HEATR5B: variants seen among roughly 807,000 people sequenced by gnomAD.
The protein encoded by HEATR5B is HEAT repeat-containing protein 5B.
A neutral mutation model predicts 224.1 loss-of-function variants in HEATR5B; 156 were observed. The observed-to-expected ratio is 0.70, with a 90% CI of 0.61 to 0.80. The LOEUF (loss-of-function observed/expected upper bound fraction) is 0.80, where lower values mean the gene tolerates loss of function less well. HEATR5B is among the 30% of genes least tolerant of loss of function. The pLI is 0.00. For missense variants in HEATR5B, 2,323 were observed against 2,535.5 expected, an observed-to-expected ratio of 0.92 and a Z score of 1.80; for synonymous variants, 1,027 against 893.0, an observed-to-expected ratio of 1.15 and a Z score of -2.68.
intron 35 of HEATR5B, among the ~76,000 whole-genome samples, chr2:36,983,821 T>C (rs895599797): frequency 6.6e-6 from 1 of 152,020 alleles, no homozygotes; most frequent in Non-Finnish European, 1.5e-5. Context: ...CTTCAGTATA[T>C]TGGCTTGCTA....
chr2:37,056,412 A>G, intron 16 of HEATR5B, 28 bp downstream of exon 16: 1 of 1,525,642 alleles, frequency 6.6e-7, no homozygotes, highest in Non-Finnish European at 8.8e-7. Flanking sequence ...ATATTTAACA[A>G]AAATTACCTG....
chr2:37,033,712 T>A (rs1669288042), intron 21 of HEATR5B, among the ~76,000 whole-genome samples: 1 of 152,228 alleles, frequency 6.6e-6, no homozygotes, highest in Non-Finnish European at 1.5e-5. Flanking sequence ...GTTTGAATCC[T>A]GGCTCTGTCA....
At chr2:36,993,002 G>C (rs1666439552) in intron 33 of HEATR5B, among the ~76,000 whole-genome samples, 1 of 152,228 alleles carries the variant, frequency 6.6e-6, no homozygotes, top group South Asian at 2.1e-4. Context: ...TGGGATTATA[G>C]GTTTAAACCA....
Position 37,068,758 on chromosome 2 carries a change from C to T in HEATR5B, c.1100G>A (p.Ser367Asn), listed in dbSNP as rs1379629702. 6.8e-6 allele frequency: 11 copies of T among 1,614,008 alleles called. No individual in the cohort carries two copies. The South Asian group carries it at 9.9e-5, about 14-fold the overall frequency. ...AATCTGGGCTTTTTCACCTAGCAAA[C>T]TGCCCACAGTAGCTCTTAGGATAAA... ...VSFILRATVG[S>N]LLGEKAQIAA... The change falls in exon 8 of 36, where the codon AGT becomes AAT. Residue 367 changes from serine (S) to asparagine (N), a missense_variant. By Grantham distance (46) the Ser-to-Asn change is conservative. Transcript: ENST00000233099.
In HEATR5B at chr2:37,078,434, C is replaced by A. The variant is rs143572439; in HGVS notation, c.338+686G>T. 2.0e-5 allele frequency among the ~76,000 whole-genome samples: 3 copies of A among 152,294 alleles called. No individual in the cohort carries two copies. The East Asian group carries it at 5.8e-4, about 29-fold the overall frequency. ...AATACATATGAATGTATAATCAATT[C>A]TACTTAACCAGAACTATAAAATTAT... On this transcript the variant is annotated intron_variant, in intron 3 of 35. Coordinates refer to ENST00000233099, the MANE Select transcript of HEATR5B (RefSeq NM_019024.3).
chr2:37,014,707 A>C (rs1301716074), intron 26 of HEATR5B, among the ~76,000 whole-genome samples: 5 of 149,812 alleles, frequency 3.3e-5, no homozygotes, highest in African/African-American at 1.2e-4. Context: ...GGCTGGGCGC[A>C]GTGGCTTACA....
Position 37,058,450 on chromosome 2 carries a change from C to T in HEATR5B, c.2059+1G>A. 6.4e-7 allele frequency: 1 copy of T among 1,574,226 alleles called. No homozygotes were observed. Among genetic ancestry groups the T allele is most frequent in the Non-Finnish European group, 8.7e-7 (1 of 1,144,750 alleles). ...TCAGATACCACAAATTTTTAATTTA[C>T]CTTCATAAGTTTTTGGAGGTAACAA... On this transcript the variant is annotated splice_donor_variant, in intron 14 of 35. Coordinates refer to ENST00000233099, the MANE Select transcript of HEATR5B (RefSeq NM_019024.3). LOFTEE classifies it high-confidence loss of function.
chr2:36,990,372 A>G (rs935833913), intron 34 of HEATR5B, among the ~76,000 whole-genome samples: 1 of 152,218 alleles, frequency 6.6e-6, no homozygotes, highest in African/African-American at 2.4e-5. Context: ...TCATTTAAAT[A>G]AACACTGGAA....
At chr2:37,002,012 C>CA (rs1464663795) in intron 32 of HEATR5B, among the ~76,000 whole-genome samples, 1 of 152,168 alleles carries the variant, frequency 6.6e-6, no homozygotes, top group Non-Finnish European at 1.5e-5. Context: ...GACTGGAAAA[C>CA]AGAGTTTAGT....
chr2:36,986,829 T>G (rs1665980393), intron 35 of HEATR5B, among the ~76,000 whole-genome samples: 1 of 152,058 alleles, frequency 6.6e-6, no homozygotes, highest in African/African-American at 2.4e-5. Flanking sequence ...ATCGGTCAGG[T>G]TGGTCTCGAA....
chr2:37,052,262 G>C (rs937800580), intron 17 of HEATR5B, among the ~76,000 whole-genome samples: 1 of 152,166 alleles, frequency 6.6e-6, no homozygotes, highest in African/African-American at 2.4e-5. Context: ...CAAACTATTT[G>C]TAACAGTGGT....
At chr2:37,023,224 C>A (rs1192844922) in intron 24 of HEATR5B, among the ~76,000 whole-genome samples, 2 of 152,076 alleles carry the variant, frequency 1.3e-5, no homozygotes, top group African/African-American at 4.8e-5. Flanking sequence ...GATCAGTGAA[C>A]TGAAAAGACT....
chr2:37,059,406 ATGTGTGTGTG>A (rs529487124), intron 12 of HEATR5B, among the ~76,000 whole-genome samples: 331 of 100,212 alleles, frequency 3.3e-3, no homozygotes, highest in African/African-American at 0.01. Context: ...ATATATGTAT[ATGTGTGTGTG>A]TGTGTGTGTG....
Position 37,038,920 on chromosome 2 carries a change from G to GGGGGGGA in HEATR5B, c.3047-897_3047-896insTCCCCCC, listed in dbSNP as rs58707175. On this transcript the variant is annotated intron_variant, in intron 20 of 35. Coordinates refer to ENST00000233099, the MANE Select transcript of HEATR5B (RefSeq NM_019024.3). Reference sequence around the variant, plus strand: ...GTCTCCCTGGGGTGGGGGGGGTGGGGAATCACATATTTTTCAATTTCTAGC... The same window carrying GGGGGGGA: ...GTCTCCCTGGGGTGGGGGGGGTGGGGGGGGGGAAATCACATATTTTTCAATTTCTAGC... Among the ~76,000 whole-genome samples, 78 of 124,642 alleles carry GGGGGGGA rather than the reference G, an allele frequency of 6.3e-4. 4 individuals carry two copies. Among genetic ancestry groups the GGGGGGGA allele is most frequent in the Non-Finnish European group, 7.0e-4 (41 of 58,512 alleles). The allele number at this position is 124,642 out of a possible 152,430, so 81.8% of individuals were successfully genotyped here.
chr2:36,981,457 G>A lies in HEATR5B; in HGVS notation c.*33C>T, dbSNP rs748030833. On this transcript the variant is annotated 3_prime_UTR_variant, in exon 36 of 36. Transcript: ENST00000233099. ...GGCCATCACTAATTAGGGGCTAGTT[G>A]ACAACATAAATACAAATAAATGAAA... is the stretch of plus-strand genomic sequence containing the variant. 3.2e-6 allele frequency: 5 copies of A among 1,543,524 alleles called. No individual in the cohort carries two copies. In the East Asian group the frequency reaches 9.1e-5, roughly 28 times the overall value.
In HEATR5B at chr2:37,028,001, T is replaced by C; in HGVS notation, c.3775A>G (p.Ile1259Val). ...TGGTCTGCATTCTCACACAAATTGA[T>C]GATTCGACACAGGCAATCGGCAGCA... ...VFAADCLCRI[I>V]NLCENADQAH... The change falls in exon 24 of 36, where the codon ATC becomes GTC. Residue 1259 changes from isoleucine (I) to valine (V), a missense_variant. Physicochemically the swap from Ile to Val is conservative, Grantham distance 29 (BLOSUM62 3). Coordinates refer to ENST00000233099, the MANE Select transcript of HEATR5B (RefSeq NM_019024.3). 1.2e-6 allele frequency: 2 copies of C among 1,614,150 alleles called. No homozygotes were observed. The highest frequency in any genetic ancestry group is 1.1e-5 in the South Asian group (1 of 91,082).
At position 37,002,388 on chromosome 2, in the gene HEATR5B, AGTT is replaced by A. The variant is rs776639192; in HGVS notation, c.5232_5234del (p.Lys1744_Thr1745delinsAsn). ...AACGAGCACTTTCTTCTGATAGTCG[AGTT>A]TTAGTGGCTATGTGACTTGGAGAGT... On this transcript the variant is annotated inframe_deletion, in exon 32 of 36. Coordinates refer to ENST00000233099, the MANE Select transcript of HEATR5B (RefSeq NM_019024.3). The A allele has an allele frequency of 1.1e-5, 17 of 1,614,218 alleles. No individual in the cohort carries two copies. The highest frequency in any genetic ancestry group is 1.4e-5 in the Non-Finnish European group (17 of 1,180,032).
intron 18 of HEATR5B, among the ~76,000 whole-genome samples, chr2:37,045,683 T>G (rs1020173407): frequency 6.6e-6 from 1 of 152,166 alleles, no homozygotes; most frequent in South Asian, 2.1e-4. Context: ...CCTGTGCAGC[T>G]CTCTCCTCTC....
chr2:36,985,625 T>A (rs1234168792), intron 35 of HEATR5B, among the ~76,000 whole-genome samples: 1 of 89,278 alleles, frequency 1.1e-5, no homozygotes, highest in Admixed American at 1.3e-4. Context: ...TCCTGGCTTT[T>A]TTTTTTTTTT....
Sources: allele counts gnomAD v4.1 joint callset (sites outside exome capture counted in the v4.1 genomes callset), GRCh38; gene constraint gnomAD v4.1.1; transcripts MANE v1.5; gene names NCBI Gene and HGNC (gene_info 2026-07-23, HGNC 2026-07-21).